Variants in BEST1 observed in about 807,000 individuals in gnomAD.
BEST1 encodes the protein bestrophin-1.
Under a neutral mutation model 63.3 loss-of-function variants are expected in BEST1, and 58 were observed. That is an observed-to-expected ratio of 0.92 (90% confidence interval 0.74 to 1.14). BEST1 has a LOEUF of 1.14. BEST1 is among the 50% of genes most tolerant of loss of function. BEST1 has a pLI of 0.00. For missense variants in BEST1, 671 were observed against 740.1 expected (o/e 0.91, Z 1.08); for synonymous variants, 283 against 291.6 (o/e 0.97, Z 0.30).
chr11:61,955,202 G>A lies in BEST1; in HGVS notation c.247+1G>A, dbSNP rs766934827. ...CTCATCCCCATTTCCTTCGTGCTGG[G>A]TGAGTTCCCCCTTCTGGCTGTTCCG... On this transcript the variant is annotated splice_donor_variant, in intron 3 of 10. Coordinates refer to ENST00000378043, the MANE Select transcript of BEST1 (RefSeq NM_004183.4). LOFTEE classifies it high-confidence loss of function. 3 of 1,614,134 alleles carry A rather than the reference G, an allele frequency of 1.9e-6. No homozygotes were observed. The highest frequency in any genetic ancestry group is 2.2e-5 in the East Asian group (1 of 44,872).
chr11:61,959,578 G>C lies in BEST1; in HGVS notation c.948G>C (p.Gln316His), dbSNP rs1347134318. Reference protein sequence around the residue: ...ETNWIVDRNLQVSLLAVDEMH... With the variant: ...ETNWIVDRNLHVSLLAVDEMH... Reference sequence around the variant, plus strand: ...ACTGGATTGTCGACAGGAATTTGCAGGTATGGGGAGAGGGAGAGAAACCAT... The same window carrying C: ...ACTGGATTGTCGACAGGAATTTGCACGTATGGGGAGAGGGAGAGAAACCAT... Residue 316 changes from glutamine to histidine, a missense_variant and splice_region_variant, in exon 8 of 11, where the codon CAG becomes CAC. Physicochemically the swap from Gln to His is conservative, Grantham distance 24. Transcript: ENST00000378043. 1 of 1,614,132 alleles carries C rather than the reference G, an allele frequency of 6.2e-7. No individual in the cohort carries two copies. The highest frequency in any genetic ancestry group is 8.5e-7 in the Non-Finnish European group (1 of 1,180,012).
chr11:61,953,567 G>A (rs1390844950), intron 2 of BEST1, among the ~76,000 whole-genome samples: 1 of 152,100 alleles, frequency 6.6e-6, no homozygotes, highest in Non-Finnish European at 1.5e-5. Flanking sequence ...AAAATTAGCC[G>A]AGTGGGGTGG....
rs1941929614 is a variant in BEST1, at chr11:61,960,296, A to AT, written c.1100+256dup. On this transcript the variant is annotated intron_variant, in intron 9 of 10. Transcript: ENST00000378043. ...AGGCCACATAGCTACCAAATGGTGC[A>AT]TTTGCTACTCGAAGGACAGCCTGTG... The AT allele has an allele frequency of 8.5e-6, 5 of 587,092 alleles. No individual in the cohort carries two copies. In the Admixed American group the frequency reaches 1.2e-4, roughly 14 times the overall value. 36.4% of individuals were successfully genotyped at this position (587,092 alleles called of 1,614,324 possible). A position where few individuals can be genotyped will look rare whatever the true frequency, so the allele number is the denominator to read the frequency against.
intron 10 of BEST1, chr11:61,963,720 G>C: frequency 8.7e-7 from 1 of 1,143,436 alleles, no homozygotes; most frequent in Admixed American, 4.5e-5. Flanking sequence ...TCTGTGGCCT[G>C]TTCAGCAAAG....
intron 8 of BEST1, 91 bp from the exon 9 acceptor site, chr11:61,959,801 A>G: frequency 6.4e-7 from 1 of 1,552,106 alleles, no homozygotes; most frequent in Non-Finnish European, 8.8e-7. Context: ...AGGTCCAGAG[A>G]GAGGGAGAGA....
At position 61,962,736 on chromosome 11, in the gene BEST1, G is replaced by C. The variant is rs1942204956; in HGVS notation, c.1582G>C (p.Glu528Gln). ...ESDGALMEHP[E>Q]VSQVRRKTVE... ...CGATGGGGCCTTGATGGAGCACCCA[G>C]AAGTATCTCAAGTGAGGAGGAAAAC... The change falls in exon 10 of 11, where the codon GAA (glutamate) becomes CAA (glutamine). Residue 528 changes from glutamate to glutamine, a missense_variant. Transcript: ENST00000378043. 2 of 1,614,228 alleles carry C rather than the reference G, an allele frequency of 1.2e-6. No homozygotes were observed. Among genetic ancestry groups the C allele is most frequent in the Non-Finnish European group, 1.7e-6 (2 of 1,180,040 alleles).
In BEST1 at chr11:61,958,245, G is replaced by A. The variant is rs1336877707; in HGVS notation, c.814G>A (p.Val272Ile). The A allele has an allele frequency of 8.1e-6, 13 of 1,614,120 alleles. No individual in the cohort carries two copies. Among genetic ancestry groups the A allele is most frequent in the African/African-American group, 2.7e-5 (2 of 74,936 alleles). The change falls in exon 7 of 11, where the codon GTT (valine) becomes ATT (isoleucine). Residue 272 changes from valine (V) to isoleucine (I), a missense_variant. Transcript: ENST00000378043. ...KAYPGHELDL[V>I]VPVFTFLQFF... is the part of the protein sequence containing the mutation. ...CTACCCTGGCCATGAGCTGGACCTCGTTGTGCCCGTCTTCACGTTCCTGCA... is the reference window on the plus strand; with the variant it reads ...CTACCCTGGCCATGAGCTGGACCTCATTGTGCCCGTCTTCACGTTCCTGCA...
At chr11:61,957,297 C>T in intron 5 of BEST1, 90 bp from the exon 6 acceptor site, 4 of 1,238,426 alleles carry the variant, frequency 3.2e-6, no homozygotes, top group Non-Finnish European at 4.8e-6. Flanking sequence ...CCATAGGTAC[C>T]AGGCCCTGGT....
chr11:61,964,809 C>A, downstream of BEST1: 1 of 1,600,248 alleles, frequency 6.2e-7, no homozygotes, highest in South Asian at 1.1e-5. Context: ...TCCCATCTTG[C>A]GCAAGTTGGT....
At chr11:61,963,990 CAAAAAA>C in intron 10 of BEST1, 108 bp from the exon 11 acceptor site, 3 of 1,404,718 alleles carry the variant, frequency 2.1e-6, no homozygotes, top group Non-Finnish European at 9.4e-7. Context: ...GAGACTGTCT[CAAAAAA>C]AAAAAAAAAA....
In BEST1 at chr11:61,962,661, A is replaced by C. The variant is rs1942193291; in HGVS notation, c.1507A>C (p.Lys503Gln). ...CATAGACACCAAAGACAAAAGCTTA[A>C]AGACTGTGAGTTCTGGGGCCAAGAA... ...TGIDTKDKSL[K>Q]TVSSGAKKSF... is the part of the protein sequence containing the mutation. The change falls in exon 10 of 11, where the codon AAG becomes CAG. Residue 503 changes from lysine to glutamine, a missense_variant. Transcript: ENST00000378043. 1.2e-6 allele frequency: 2 copies of C among 1,614,230 alleles called. No individual in the cohort carries two copies. Among genetic ancestry groups the C allele is most frequent in the East Asian group, 4.5e-5 (2 of 44,882 alleles).
At position 61,962,488 on chromosome 11, in the gene BEST1, G is replaced by A. The variant is rs753051695; in HGVS notation, c.1334G>A (p.Trp445Ter). The change falls in exon 10 of 11, where the codon TGG (tryptophan) becomes TAG (stop). Residue 445 changes from tryptophan to a stop codon, truncating the protein, a stop_gained. Coordinates refer to ENST00000378043, the MANE Select transcript of BEST1 (RefSeq NM_004183.4). LOFTEE classifies it high-confidence loss of function. Reference sequence around the variant, plus strand: ...AGGGGCCAGGAAGACAACAAGGCCTGGAAGCTTAAGGCTGTGGACGCCTTC... The same window carrying A: ...AGGGGCCAGGAAGACAACAAGGCCTAGAAGCTTAAGGCTGTGGACGCCTTC... ...NVRGQEDNKA[W>*]KLKAVDAFKS... 6.2e-7 allele frequency: 1 copy of A among 1,614,164 alleles called. No individual in the cohort carries two copies. Among genetic ancestry groups the A allele is most frequent in the Non-Finnish European group, 8.5e-7 (1 of 1,180,022 alleles).
Position 61,958,899 on chromosome 11 carries a change from CACACACAT to C in BEST1, c.868-591_868-584del, listed in dbSNP as rs1207879085. 8.5e-4 allele frequency: 26 copies of C among 30,628 alleles called. 1 individual carries two copies. Among genetic ancestry groups the C allele is most frequent in the African/African-American group, 1.4e-3 (13 of 9,258 alleles). 1.9% of individuals were successfully genotyped at this position (30,628 alleles called of 1,614,324 possible). A position where few individuals can be genotyped will look rare whatever the true frequency, so the allele number is the denominator to read the frequency against. ...ACACACACACACACACACACACACA[CACACACAT>C]ACACACACACACACACGCATTCCTA... On this transcript the variant is annotated intron_variant, in intron 7 of 10. Transcript: ENST00000378043.
At chr11:61,960,588 C>G (rs1941965066) in intron 9 of BEST1, 1 of 162,188 alleles carries the variant, frequency 6.2e-6, no homozygotes, top group African/African-American at 2.4e-5. Flanking sequence ...CCAGGCTGGT[C>G]TCCAACTCCT....
chr11:61,956,965 C>A lies in BEST1; in HGVS notation c.603C>A (p.Ile201=). Residue 201 remains isoleucine (I), a synonymous_variant, in exon 5 of 11, where the codon ATC becomes ATA. Transcript: ENST00000378043. ...TGAAGGCGTGGCTTGGAGGTCGAAT[C>A]CGGGACCCTATCCTGCTCCAGAGCC... is the stretch of plus-strand genomic sequence containing the variant. ...LSMKAWLGGR[I]RDPILLQSLL... 6.2e-7 allele frequency: 1 copy of A among 1,614,138 alleles called. No individual in the cohort carries two copies. Among genetic ancestry groups the A allele is most frequent in the Non-Finnish European group, 8.5e-7 (1 of 1,180,028 alleles).
intron 10 of BEST1, chr11:61,963,494 C>A: frequency 9.4e-7 from 1 of 1,067,964 alleles, no homozygotes; most frequent in East Asian, 6.7e-5. Context: ...GTCACAAAAT[C>A]AGATATTTCC....
chr11:61,965,369 C>T, downstream of BEST1: 2 of 1,613,032 alleles, frequency 1.2e-6, no homozygotes, highest in Non-Finnish European at 1.7e-6. Context: ...TTTTGTTCAC[C>T]TTGATATCCT....
intron 7 of BEST1, chr11:61,958,621 C>A: frequency 1.6e-6 from 1 of 613,268 alleles, no homozygotes; most frequent in Non-Finnish European, 2.9e-6. Flanking sequence ...CTTTAGAAGG[C>A]AGATCGGCAC....
intron 4 of BEST1, 146 bp downstream of exon 4, chr11:61,956,097 G>T: frequency 1.2e-6 from 1 of 832,212 alleles, no homozygotes; most frequent in South Asian, 1.8e-5. Context: ...CAAGATTTGG[G>T]GGTCCAATTG....
Sources: gnomAD v4.1 joint callset for allele counts (sites outside exome capture counted in the v4.1 genomes callset) on GRCh38, gnomAD v4.1.1 for gene constraint, MANE v1.5 for transcripts, NCBI Gene and HGNC (gene_info 2026-07-23, HGNC 2026-07-21) for gene names.